NAV3: variants seen among roughly 807,000 people sequenced by gnomAD.
The protein encoded by NAV3 is neuron navigator 3.
Under a neutral mutation model 244.7 loss-of-function variants are expected in NAV3, and 87 were observed. The observed-to-expected ratio is 0.36, with a 90% confidence interval of 0.30 to 0.42. The LOEUF (loss-of-function observed/expected upper bound fraction) is 0.42, where lower values mean the gene tolerates loss of function less well. NAV3 is among the 20% of genes least tolerant of loss of function. The pLI is 1.00. For missense variants in NAV3, 2,663 were observed against 2,893.3 expected (o/e 0.92, Z 1.83); for synonymous variants, 1,126 against 1,042.2 (o/e 1.08, Z -1.55).
chr12:77,705,680 C>G (rs1875764440), intron 2 of NAV3, among the ~76,000 whole-genome samples: 1 of 151,232 alleles, frequency 6.6e-6, no homozygotes, highest in Non-Finnish European at 1.5e-5. Context: ...GTTTGTTCCC[C>G]CGGGGGTCAA....
intron 2 of NAV3, among the ~76,000 whole-genome samples, chr12:77,778,613 G>GA (rs746919824): frequency 0.019 from 1,131 of 58,064 alleles, 8 homozygotes; most frequent in African/African-American, 0.044. Flanking sequence ...CTCCGTCTCA[G>GA]AAAAAAAAAA....
chr12:77,827,038 A>G (rs1873073992), upstream of NAV3, among the ~76,000 whole-genome samples: 1 of 152,178 alleles, frequency 6.6e-6, no homozygotes, highest in Non-Finnish European at 1.5e-5. Flanking sequence ...TCTGGCCAAC[A>G]TGGCGAAACC....
At chr12:77,737,682 C>T (rs1263432983) in intron 2 of NAV3, among the ~76,000 whole-genome samples, 1 of 152,126 alleles carries the variant, frequency 6.6e-6, no homozygotes, top group Non-Finnish European at 1.5e-5. Context: ...AAAAACCTGT[C>T]ACAGATTAAA....
At chr12:77,673,245 A>G (rs1225229705) in intron 2 of NAV3, among the ~76,000 whole-genome samples, 1 of 152,282 alleles carries the variant, frequency 6.6e-6, no homozygotes, top group African/African-American at 2.4e-5. Flanking sequence ...CTATTCACAC[A>G]TATGTTACAT....
At chr12:77,686,424 C>CTTTTTTTTTTTTTTTTT (rs10573795) in intron 2 of NAV3, among the ~76,000 whole-genome samples, 1 of 113,856 alleles carries the variant, frequency 8.8e-6, no homozygotes, top group African/African-American at 3.4e-5. Context: ...TTCTTTCTTT[C>CTTTTTTTTTTTTTTTTT]TTTTTTTTTT....
At chr12:77,577,298 A>G (rs911533752) in intron 2 of NAV3, among the ~76,000 whole-genome samples, 3 of 152,010 alleles carry the variant, frequency 2.0e-5, no homozygotes, top group Non-Finnish European at 4.4e-5. Context: ...CTCTTTTTCC[A>G]CTCAGAAGTG....
At chr12:78,190,502 C>T (rs1958927481) in intron 34 of NAV3, among the ~76,000 whole-genome samples, 1 of 151,870 alleles carries the variant, frequency 6.6e-6, no homozygotes, top group African/African-American at 2.4e-5. Flanking sequence ...AGACATCCAC[C>T]TAGAAACTGT....
chr12:78,123,331 CCT>C (rs1225020266), intron 16 of NAV3, among the ~76,000 whole-genome samples: 3 of 145,790 alleles, frequency 2.1e-5, no homozygotes, highest in East Asian at 4.1e-4. Context: ...TATGTCTTCC[CCT>C]GTTTTTTTTA....
intron 2 of NAV3, among the ~76,000 whole-genome samples, chr12:77,703,309 C>T (rs1320566040): frequency 6.6e-6 from 1 of 152,056 alleles, no homozygotes; most frequent in Admixed American, 6.6e-5. Context: ...TCTCCTTTCA[C>T]ATAGCATAAT....
At chr12:77,634,636 G>C (rs1592525506) in intron 2 of NAV3, among the ~76,000 whole-genome samples, 1 of 152,072 alleles carries the variant, frequency 6.6e-6, no homozygotes, top group East Asian at 1.9e-4. Context: ...TTTAGAACAG[G>C]TGTCGCCTAT....
intron 2 of NAV3, among the ~76,000 whole-genome samples, chr12:77,626,335 A>G (rs1230655868): frequency 1.3e-5 from 2 of 152,164 alleles, no homozygotes; most frequent in African/African-American, 4.8e-5. Flanking sequence ...GTGACCAATT[A>G]TATGAATTTT....
rs200152687 is a variant in NAV3, at chr12:77,873,679, GTATA to G, written c.243+42002_243+42005del. 1.8e-3 allele frequency among the ~76,000 whole-genome samples: 197 copies of G among 107,300 alleles called. 8 individuals are homozygous for G. The highest frequency in any genetic ancestry group is 3.6e-3 in the African/African-American group (113 of 31,634). The allele number at this position is 107,300 out of a possible 152,430, so 70.4% of individuals were successfully genotyped here. ...TTATATATATACATGATTTGTATGTGTATATATATATATATATATATATATATAT... is the reference window on the plus strand; with the variant it reads ...TTATATATATACATGATTTGTATGTGTATATATATATATATATATATATAT... On this transcript the variant is annotated intron_variant, in intron 1 of 39. Transcript: ENST00000397909.
chr12:78,147,311 CT>C (rs1956901896), intron 21 of NAV3, among the ~76,000 whole-genome samples: 1 of 152,010 alleles, frequency 6.6e-6, no homozygotes, highest in Non-Finnish European at 1.5e-5. Context: ...AGTATAGCTA[CT>C]GAAGCATCGA....
At chr12:77,960,655 C>T (rs1378363088) in intron 3 of NAV3, among the ~76,000 whole-genome samples, 2 of 146,970 alleles carry the variant, frequency 1.4e-5, no homozygotes, top group African/African-American at 5.0e-5. Context: ...TACATATTAG[C>T]ATTACATATA....
intron 1 of NAV3, among the ~76,000 whole-genome samples, chr12:77,916,124 A>G (rs1887117938): frequency 6.6e-6 from 1 of 152,050 alleles, no homozygotes; most frequent in Admixed American, 6.6e-5. Context: ...TAAGTAAGCT[A>G]TTTGGATACT....
chr12:78,069,614 T>C (rs566135705), intron 12 of NAV3, among the ~76,000 whole-genome samples: 18 of 152,146 alleles, frequency 1.2e-4, no homozygotes, highest in African/African-American at 3.9e-4. Flanking sequence ...ATAAATTACA[T>C]ATCTAAAGAG....
At chr12:77,843,508 G>A (rs1474816200) in intron 1 of NAV3, among the ~76,000 whole-genome samples, 3 of 150,546 alleles carry the variant, frequency 2.0e-5, no homozygotes, top group African/African-American at 7.3e-5. Context: ...GGGGTTCTTT[G>A]AATATTAAAT....
chr12:77,774,067 A>G (rs1454211215), intron 2 of NAV3, among the ~76,000 whole-genome samples: 2 of 152,228 alleles, frequency 1.3e-5, no homozygotes, highest in South Asian at 4.1e-4. Context: ...ATTTTTTTAC[A>G]TTAATACTAC....
intron 2 of NAV3, among the ~76,000 whole-genome samples, chr12:77,624,388 C>T (rs193074253): frequency 1.3e-5 from 2 of 152,134 alleles, no homozygotes; most frequent in Admixed American, 1.3e-4. Flanking sequence ...TCTGTGGTAA[C>T]CCATAGAAGC....
Sources: allele counts gnomAD v4.1 joint callset (sites outside exome capture counted in the v4.1 genomes callset), GRCh38; gene constraint gnomAD v4.1.1; transcripts MANE v1.5; gene names NCBI Gene and HGNC (gene_info 2026-07-23, HGNC 2026-07-21).